ANTXR2: variants seen among roughly 807,000 people sequenced by gnomAD.
The protein encoded by ANTXR2 is anthrax toxin receptor 2.
In ANTXR2, 44 loss-of-function variants were observed where a neutral mutation model predicts 73.7. The observed-to-expected ratio is 0.60, with a 90% CI of 0.47 to 0.77. The LOEUF (loss-of-function observed/expected upper bound fraction) is 0.77. ANTXR2 is among the 30% of genes least tolerant of loss of function. The pLI is 0.00. For missense variants in ANTXR2, 604 were observed against 592.5 expected (o/e 1.02, Z -0.20); for synonymous variants, 217 against 205.9 (o/e 1.05, Z -0.46).
intron 16 of ANTXR2, chr4:79,977,363 C>CT (rs1011799933): frequency 6.8e-6 from 2 of 294,558 alleles, no homozygotes; most frequent in African/African-American, 4.6e-5. Flanking sequence ...AATGATTGTG[C>CT]TTATTAAAGT....
At chr4:79,976,191 C>G (rs113142831) in intron 16 of ANTXR2, among the ~76,000 whole-genome samples, 2 of 151,918 alleles carry the variant, frequency 1.3e-5, no homozygotes, top group Non-Finnish European at 2.9e-5. Flanking sequence ...GGATTACAGG[C>G]GTGAGCCACC....
At chr4:79,931,010 A>G (rs1728033553) in intron 16 of ANTXR2, among the ~76,000 whole-genome samples, 1 of 152,352 alleles carries the variant, frequency 6.6e-6, no homozygotes, top group Admixed American at 6.5e-5. Flanking sequence ...TATGTTGAAT[A>G]TAGCCATAAT....
At chr4:79,931,324 T>C (rs1728044842) in intron 16 of ANTXR2, among the ~76,000 whole-genome samples, 1 of 152,092 alleles carries the variant, frequency 6.6e-6, no homozygotes, top group South Asian at 2.1e-4. Context: ...ATGAATAGAG[T>C]TAGCTTTATA....
chr4:79,923,467 TGC>T (rs1727664731), intron 16 of ANTXR2, among the ~76,000 whole-genome samples: 2 of 152,014 alleles, frequency 1.3e-5, no homozygotes, highest in African/African-American at 4.8e-5. Context: ...AACTACAGGA[TGC>T]AAGTGTTCTA....
At chr4:79,931,558 A>C (rs1448563458) in intron 16 of ANTXR2, among the ~76,000 whole-genome samples, 1 of 152,014 alleles carries the variant, frequency 6.6e-6, no homozygotes, top group African/African-American at 2.4e-5. Context: ...TAACTCACAG[A>C]AGGTGCAGCA....
At chr4:79,926,316 C>G (rs1463833474) in intron 16 of ANTXR2, among the ~76,000 whole-genome samples, 2 of 152,014 alleles carry the variant, frequency 1.3e-5, no homozygotes, top group African/African-American at 4.8e-5. Flanking sequence ...GTTTGTTATA[C>G]CATGTTATTG....
intron 13 of ANTXR2, among the ~76,000 whole-genome samples, chr4:79,984,204 A>T (rs932889647): frequency 1.3e-5 from 2 of 152,164 alleles, no homozygotes; most frequent in Non-Finnish European, 2.9e-5. Flanking sequence ...CATCATCCCT[A>T]GGTAACTAGA....
intron 12 of ANTXR2, among the ~76,000 whole-genome samples, chr4:80,003,573 A>G (rs1249601365): frequency 6.6e-6 from 1 of 151,982 alleles, no homozygotes; most frequent in Non-Finnish European, 1.5e-5. Context: ...ATAATAAAAT[A>G]AAATAAAATA....
At chr4:79,965,285 G>C (rs769958044) in intron 16 of ANTXR2, among the ~76,000 whole-genome samples, 1 of 152,200 alleles carries the variant, frequency 6.6e-6, no homozygotes, top group Non-Finnish European at 1.5e-5. Context: ...TAGAAAACAT[G>C]CTGTTGACTA....
chr4:80,057,294 A>G (rs373319170), intron 3 of ANTXR2, among the ~76,000 whole-genome samples: 1 of 152,036 alleles, frequency 6.6e-6, no homozygotes, highest in Non-Finnish European at 1.5e-5. Context: ...ACATGTGTGT[A>G]TACGTTTATA....
chr4:80,031,546 G>T, intron 10 of ANTXR2, 77 bp downstream of exon 10: 2 of 1,109,810 alleles, frequency 1.8e-6, no homozygotes, highest in South Asian at 1.7e-5. Flanking sequence ...AGAATAAAAT[G>T]ACCAATGTAT....
intron 7 of ANTXR2, among the ~76,000 whole-genome samples, chr4:80,036,977 T>C (rs994099242): frequency 2.6e-5 from 4 of 152,096 alleles, no homozygotes; most frequent in African/African-American, 9.7e-5. Context: ...GACTCCATAC[T>C]CAAGCATTCC....
At chr4:79,996,681 T>C (rs1161544621) in intron 12 of ANTXR2, among the ~76,000 whole-genome samples, 3 of 151,936 alleles carry the variant, frequency 2.0e-5, no homozygotes, top group Non-Finnish European at 2.9e-5. Context: ...TCAGTAAAAC[T>C]AGTTCAAGAG....
intron 16 of ANTXR2, among the ~76,000 whole-genome samples, chr4:79,922,330 T>C (rs1727623869): frequency 6.6e-6 from 1 of 152,112 alleles, no homozygotes; most frequent in Admixed American, 6.6e-5. Context: ...TAATGGTGAT[T>C]CCTTGCTCAC....
intron 16 of ANTXR2, among the ~76,000 whole-genome samples, chr4:79,931,993 G>T (rs574583531): frequency 6.6e-6 from 1 of 151,874 alleles, no homozygotes; most frequent in Non-Finnish European, 1.5e-5. Context: ...AAAATATGCC[G>T]CCTACAGATA....
chr4:79,999,293 T>C (rs574311586), intron 12 of ANTXR2, among the ~76,000 whole-genome samples: 1 of 152,138 alleles, frequency 6.6e-6, no homozygotes, highest in South Asian at 2.1e-4. Context: ...CTCATGATAG[T>C]GAGCTCTCAC....
intron 16 of ANTXR2, among the ~76,000 whole-genome samples, chr4:79,955,964 T>A (rs1000695623): frequency 6.6e-6 from 1 of 152,164 alleles, no homozygotes; most frequent in Non-Finnish European, 1.5e-5. Flanking sequence ...AATGTGCAAT[T>A]CCTGGAATAT....
intron 12 of ANTXR2, among the ~76,000 whole-genome samples, chr4:80,000,907 TC>T (rs1036232424): frequency 3.6e-4 from 55 of 152,142 alleles, no homozygotes; most frequent in African/African-American, 1.3e-3. Flanking sequence ...CTGTGCTGGC[TC>T]CTCTAGCAAA....
Position 80,072,590 on chromosome 4 carries a change from C to A in ANTXR2, c.-30G>T. ...CGGCCGGGGGCCTGAGACTCCCTCC[C>A]GCTCGCAGTCCCCTAAGCTCAGGAG... On this transcript the variant is annotated 5_prime_UTR_variant, in exon 1 of 17. Transcript: ENST00000403729. 1.3e-6 allele frequency: 2 copies of A among 1,484,812 alleles called. No homozygotes were observed. The highest frequency in any genetic ancestry group is 2.7e-5 in the East Asian group (1 of 37,662). The allele number at this position is 1,484,812 out of a possible 1,614,324, so 92.0% of individuals were successfully genotyped here.
Sources: gnomAD v4.1 joint callset for allele counts (sites outside exome capture counted in the v4.1 genomes callset) on GRCh38, gnomAD v4.1.1 for gene constraint, MANE v1.5 for transcripts, NCBI Gene and HGNC (gene_info 2026-07-23, HGNC 2026-07-21) for gene names.